KLHDC4: variants seen among roughly 807,000 people sequenced by gnomAD.
KLHDC4 encodes kelch domain containing 4, also known as kelch domain-containing protein 4.
Under a neutral mutation model 62.4 loss-of-function variants are expected in KLHDC4, and 90 were observed. The observed-to-expected ratio is 1.44, with a 90% CI of 1.22 to 1.72. The LOEUF is 1.72. KLHDC4 is among the 40% of genes most tolerant of loss of function. The pLI, the probability that KLHDC4 is intolerant of heterozygous loss-of-function variation, is 0.00. For synonymous variants in KLHDC4, 386 were observed against 284.4 expected (o/e 1.36, Z -3.59); for missense variants, 1,025 against 699.7 (o/e 1.47, Z -5.25).
intron 7 of KLHDC4, among the ~76,000 whole-genome samples, chr16:87,721,619 C>T (rs1436293799): frequency 6.6e-6 from 1 of 152,080 alleles, no homozygotes; most frequent in Non-Finnish European, 1.5e-5. Context: ...CGAGGTCAGC[C>T]GGGATCTCCC....
At position 87,707,891 on chromosome 16, in the gene KLHDC4, C is replaced by A. The variant is rs1280555142; in HGVS notation, c.*186G>T. On this transcript the variant is annotated 3_prime_UTR_variant, in exon 12 of 12. Transcript: ENST00000270583. ...ACCTGCACTGCACTCAGTTGAACTT[C>A]CGGCCCAGTGCCGCGTCAGAGACTA... The A allele has an allele frequency of 2.2e-6, 1 of 453,248 alleles. No homozygotes were observed. The highest frequency in any genetic ancestry group is 1.6e-5 in the South Asian group (1 of 64,188). The allele number at this position is 453,248 out of a possible 1,614,324, so 28.1% of individuals were successfully genotyped here. A position where few individuals can be genotyped will look rare whatever the true frequency, so the allele number is the denominator to read the frequency against.
In KLHDC4 at chr16:87,765,866, T is replaced by G. The variant is rs1555612868; in HGVS notation, c.25A>C (p.Lys9Gln). Reference sequence around the variant, plus strand: ...GTCTTCTCCGCGCCGCGGCCCTTCTTCTCCTTCTTGCCCTTCTTGCCCATC... The same window carrying G: ...GTCTTCTCCGCGCCGCGGCCCTTCTGCTCCTTCTTGCCCTTCTTGCCCATC... MGKKGKKE[K>Q]KGRGAEKTAA... Residue 9 changes from lysine to glutamine, a missense_variant, in exon 1 of 12, where the codon AAG becomes CAG. Lys to Gln is a moderately conservative substitution (Grantham distance 53, BLOSUM62 1). Coordinates refer to ENST00000270583, the MANE Select transcript of KLHDC4 (RefSeq NM_017566.4). The G allele has an allele frequency of 1.9e-6, 3 of 1,552,364 alleles. No homozygotes were observed. In the African/African-American group the frequency reaches 4.1e-5, roughly 21 times the overall value.
At chr16:87,712,316 T>C (rs886164424) in intron 8 of KLHDC4, among the ~76,000 whole-genome samples, 14 of 150,976 alleles carry the variant, frequency 9.3e-5, no homozygotes, top group Non-Finnish European at 1.5e-4. Context: ...ACGTATTCTG[T>C]GTGGTGCTAG....
intron 8 of KLHDC4, among the ~76,000 whole-genome samples, chr16:87,712,542 C>A (rs542741597): frequency 5.4e-4 from 83 of 152,346 alleles, no homozygotes; most frequent in African/African-American, 1.9e-3. Flanking sequence ...CACACAGGCT[C>A]AGGGCCGCCC....
At position 87,726,794 on chromosome 16, in the gene KLHDC4, T is replaced by C; in HGVS notation, c.730A>G (p.Ile244Val). ...TTCGAGTAGCCCCCATAGACGACGATGCCGCCCTGGGGAGTGACGGACATC... is the reference window on the plus strand; with the variant it reads ...TTCGAGTAGCCCCCATAGACGACGACGCCGCCCTGGGGAGTGACGGACATC... ...CQMSVTPQGGIVVYGGYSKQR... is the reference protein window; with the variant it reads ...CQMSVTPQGGVVVYGGYSKQR... The change falls in exon 7 of 12, where the codon ATC becomes GTC. Residue 244 changes from isoleucine (I) to valine (V), a missense_variant. Coordinates refer to ENST00000270583, the MANE Select transcript of KLHDC4 (RefSeq NM_017566.4). 6.2e-7 allele frequency: 1 copy of C among 1,601,908 alleles called. No homozygotes were observed.
chr16:87,762,123 A>G, intron 1 of KLHDC4, 83 bp from the exon 2 acceptor site: 1 of 1,575,820 alleles, frequency 6.3e-7, no homozygotes, highest in Non-Finnish European at 8.6e-7. Context: ...TCCTCCAATC[A>G]GTGTGATTCG....
chr16:87,716,100 C>G (rs191549914), intron 7 of KLHDC4, among the ~76,000 whole-genome samples: 1 of 152,074 alleles, frequency 6.6e-6, no homozygotes, highest in Admixed American at 6.5e-5. Flanking sequence ...TGGATACTGA[C>G]GTAGACTTTG....
At chr16:87,720,844 C>T (rs55991930) in intron 7 of KLHDC4, among the ~76,000 whole-genome samples, 11,485 of 152,284 alleles carry the variant, frequency 0.075, 592 homozygotes, top group Non-Finnish European at 0.11. Context: ...TCTTTGGGGA[C>T]ACTGCTGTCG....
At position 87,749,021 on chromosome 16, in the gene KLHDC4, T is replaced by C. The variant is rs184389668; in HGVS notation, c.370-212A>G. 1.8e-3 allele frequency among the ~76,000 whole-genome samples: 273 copies of C among 150,588 alleles called. 1 individual carries two copies. The highest frequency in any genetic ancestry group is 6.4e-3 in the African/African-American group (261 of 40,860). Reference sequence around the variant, plus strand: ...AGCACGTCCTCAGTCAAGGGTCTAATAAACCTTCATGTATCCCTAGGTTGC... The same window carrying C: ...AGCACGTCCTCAGTCAAGGGTCTAACAAACCTTCATGTATCCCTAGGTTGC... On this transcript the variant is annotated intron_variant, in intron 4 of 11. Coordinates refer to ENST00000270583, the MANE Select transcript of KLHDC4 (RefSeq NM_017566.4).
At chr16:87,750,937 C>A (rs2143149672) in intron 4 of KLHDC4, 1 of 152,372 alleles carries the variant, frequency 6.6e-6, no homozygotes, top group South Asian at 2.1e-4. Context: ...TAGGGAGAAA[C>A]TGACCAATTT....
intron 6 of KLHDC4, 52 bp from the exon 7 acceptor site, chr16:87,726,976 G>T (rs762480345): frequency 6.3e-7 from 1 of 1,585,306 alleles, no homozygotes; most frequent in East Asian, 2.3e-5. Context: ...GAAAAGCCCT[G>T]ACATTAAAAA....
rs557014007 is a variant in KLHDC4 at position 87,755,236 on chromosome 16, T to G, written c.327A>C (p.Lys109Asn). Residue 109 changes from lysine to asparagine, a missense_variant, in exon 4 of 12, where the codon AAA becomes AAC. Physicochemically the swap from Lys to Asn is moderately conservative, Grantham distance 94 (BLOSUM62 0). Transcript: ENST00000270583. ...VYNTRKDTWT[K>N]VDIPSPPPRR... ...TCGGAGGTGGACTGGGGATGTCAAC[T>G]TTGGTCCAGGTGTCCTTTCTGGTAT... The G allele has an allele frequency of 6.6e-5, 107 of 1,611,964 alleles. No individual in the cohort carries two copies. The highest frequency in any genetic ancestry group is 3.0e-4 in the Admixed American group (18 of 59,962).
chr16:87,750,069 CAT>C (rs1383761896), intron 4 of KLHDC4, among the ~76,000 whole-genome samples: 2 of 152,154 alleles, frequency 1.3e-5, no homozygotes, highest in African/African-American at 2.4e-5. Context: ...GGCTACTCCA[CAT>C]GAGGCCCTCC....
At chr16:87,757,490 T>C (rs921368743) in intron 2 of KLHDC4, 151 of 148,274 alleles carry the variant, frequency 1.0e-3, no homozygotes, top group African/African-American at 3.7e-3. Flanking sequence ...AAAGTCCATA[T>C]GTAAGTACTT....
intron 5 of KLHDC4, among the ~76,000 whole-genome samples, chr16:87,744,801 T>C (rs1395579731): frequency 6.6e-6 from 1 of 152,228 alleles, no homozygotes; most frequent in Admixed American, 6.5e-5. Flanking sequence ...TCCCTTCTCC[T>C]GTGCACGTAC....
intron 5 of KLHDC4, among the ~76,000 whole-genome samples, chr16:87,735,803 G>C (rs1234383062): frequency 6.6e-6 from 1 of 152,212 alleles, no homozygotes; most frequent in Admixed American, 6.5e-5. Context: ...CGTGGTGGCG[G>C]CTGCCTCGAG....
Position 87,722,467 on chromosome 16 carries a change from C to T in KLHDC4, c.759+4298G>A, listed in dbSNP as rs79349178. Among the ~76,000 whole-genome samples, 19 of 152,324 alleles carry T rather than the reference C, an allele frequency of 1.2e-4. 1 individual carries two copies. In the East Asian group the frequency reaches 1.9e-3, roughly 15 times the overall value. ...CCACTTCATGAACCCGAGCTCTTCACATGTCAAACTCTGGAGCCTTGCCAT... is the reference window on the plus strand; with the variant it reads ...CCACTTCATGAACCCGAGCTCTTCATATGTCAAACTCTGGAGCCTTGCCAT... On this transcript the variant is annotated intron_variant, in intron 7 of 11. Coordinates refer to ENST00000270583, the MANE Select transcript of KLHDC4 (RefSeq NM_017566.4).
At chr16:87,743,086 T>C (rs1207152757) in intron 5 of KLHDC4, 1 of 152,174 alleles carries the variant, frequency 6.6e-6, no homozygotes, top group Non-Finnish European at 1.5e-5. Flanking sequence ...GTCAAAGACT[T>C]TATAAATGTG....
rs528310037 is a variant in KLHDC4 at position 87,731,432 on chromosome 16, T to C, written c.507-788A>G. On this transcript the variant is annotated intron_variant, in intron 5 of 11. Coordinates refer to ENST00000270583, the MANE Select transcript of KLHDC4 (RefSeq NM_017566.4). The stretch of plus-strand genomic sequence containing the variant: ...ATAAAAATATAGGCAAAAGATTTGA[T>C]CAGAAAGTTCGTAAGATAGAAAAAT... Among the ~76,000 whole-genome samples the C allele has an allele frequency of 3.3e-4, 50 of 151,336 alleles. No homozygotes were observed. In the South Asian group the frequency reaches 0.01, roughly 31 times the overall value.
Sources: allele counts gnomAD v4.1 joint callset (sites outside exome capture counted in the v4.1 genomes callset), GRCh38; gene constraint gnomAD v4.1.1; transcripts MANE v1.5; gene names NCBI Gene and HGNC (gene_info 2026-07-23, HGNC 2026-07-21).